Variants in AQP3 observed in about 807,000 individuals in gnomAD.
AQP3 encodes the protein aquaporin-3.
AQP3 carries 15 observed loss-of-function variants against 30.3 expected under a neutral mutation model. The ratio of observed to expected loss-of-function variants is 0.49; its 90% CI spans 0.33 to 0.76. The LOEUF (loss-of-function observed/expected upper bound fraction) is 0.76, where lower values mean the gene tolerates loss of function less well. AQP3 is among the 30% of genes least tolerant of loss of function. The probability of loss-of-function intolerance (pLI) is 0.02; values close to 1 mark genes in which losing one functional copy is unlikely to be tolerated. For synonymous variants in AQP3, 153 were observed against 163.2 expected (o/e 0.94, Z 0.47); for missense variants, 272 against 384.8 (o/e 0.71, Z 2.45).
rs1285372140 is a variant in AQP3, at chr9:33,441,758, T to TGCACACACAC, written c.*275_*284dup. The TGCACACACAC allele has an allele frequency of 4.8e-5, 27 of 560,326 alleles. No homozygotes were observed. The highest frequency in any genetic ancestry group is 7.7e-5 in the Non-Finnish European group (25 of 322,634). The allele number at this position is 560,326 out of a possible 1,614,324, so 34.7% of individuals were successfully genotyped here. On this transcript the variant is annotated 3_prime_UTR_variant, in exon 6 of 6. Coordinates refer to ENST00000297991, the MANE Select transcript of AQP3 (RefSeq NM_004925.5). ...ACACATGCACACACATGCACACACA[T>TGCACACACAC]GCACACACACACATACCTGCTGCCC...
rs1176098926 is a variant in AQP3, at chr9:33,442,061, C to T, written c.861G>A (p.Lys287=). 1 of 1,613,880 alleles carries T rather than the reference C, an allele frequency of 6.2e-7. No individual in the cohort carries two copies. The change falls in exon 6 of 6, where the codon AAG becomes AAA. Residue 287 remains lysine, a synonymous_variant. Coordinates refer to ENST00000297991, the MANE Select transcript of AQP3 (RefSeq NM_004925.5). ...TGCCCACTCAGATCTGCTCCTTGTG[C>T]TTCACATGGGCCAGCTTCACATTCT... is the stretch of plus-strand genomic sequence containing the variant. ...EEENVKLAHV[K]HKEQI
At chr9:33,444,663 C>T (rs557936323) in intron 1 of AQP3, among the ~76,000 whole-genome samples, 17 of 151,082 alleles carry the variant, frequency 1.1e-4, no homozygotes, top group African/African-American at 3.9e-4. Flanking sequence ...TGGCAATGGG[C>T]GGCATAAATA....
Position 33,443,292 on chromosome 9 carries a change from T to C in AQP3, c.373+29A>G. The C allele has an allele frequency of 6.4e-7, 1 of 1,567,238 alleles. No homozygotes were observed. The highest frequency in any genetic ancestry group is 2.4e-5 in the East Asian group (1 of 42,098). Reference sequence around the variant, plus strand: ...GTCCTGAACAGAGGGACGGGGGTAGTGGAGGAGGACAGGGTGGGGAATGCT... The same window carrying C: ...GTCCTGAACAGAGGGACGGGGGTAGCGGAGGAGGACAGGGTGGGGAATGCT... On this transcript the variant is annotated intron_variant, in intron 3 of 5. Coordinates refer to ENST00000297991, the MANE Select transcript of AQP3 (RefSeq NM_004925.5). The surrounding 1 kb of genome is among the most constrained non-coding windows in gnomAD (Gnocchi z 5.0).
rs1826873806 is a variant in AQP3, at chr9:33,443,592, ATC to A, written c.236-136_236-135del. 2.1e-6 allele frequency: 3 copies of A among 1,446,392 alleles called. No homozygotes were observed. The Admixed American group carries it at 5.9e-5, about 29-fold the overall frequency. The allele number at this position is 1,446,392 out of a possible 1,614,324, so 89.6% of individuals were successfully genotyped here. On this transcript the variant is annotated intron_variant, in intron 2 of 5. Transcript: ENST00000297991. The surrounding 1 kb of genome is among the most constrained non-coding windows in gnomAD (Gnocchi z 5.0). ...GGTCTATGTAACAGGTCAGCTGATA[ATC>A]TCTGATTCCAAGGTGAGAGTCGAAA...
chr9:33,447,396 A>G, intron 1 of AQP3, 27 bp downstream of exon 1: 1 of 1,546,710 alleles, frequency 6.5e-7, no homozygotes, highest in Non-Finnish European at 8.8e-7. Context: ...TGGAGAGAGA[A>G]GGGCTTCCCC....
At position 33,443,626 on chromosome 9, in the gene AQP3, A is replaced by T; in HGVS notation, c.235+140T>A. 2.7e-6 allele frequency: 4 copies of T among 1,489,080 alleles called. No individual in the cohort carries two copies. Among genetic ancestry groups the T allele is most frequent in the Non-Finnish European group, 3.7e-6 (4 of 1,085,942 alleles). The allele number at this position is 1,489,080 out of a possible 1,614,324, so 92.2% of individuals were successfully genotyped here. ...TCCAAGGTGAGAGTCGAAAGTTCTA[A>T]GTGTCAAGTTTCTTCTCCACCCTCC... On this transcript the variant is annotated intron_variant, in intron 2 of 5. Coordinates refer to ENST00000297991, the MANE Select transcript of AQP3 (RefSeq NM_004925.5). This position sits in a 1 kb window ranked among gnomAD's most constrained non-coding sequence, Gnocchi z 5.0.
In AQP3 at chr9:33,443,455, G is replaced by A. The variant is rs778212126; in HGVS notation, c.239C>T (p.Ala80Val). Residue 80 changes from alanine (A) to valine (V), a missense_variant, in exon 3 of 6, where the codon GCC becomes GTC. Physicochemically the swap from Ala to Val is moderately conservative, Grantham distance 64. Transcript: ENST00000297991. The surrounding 1 kb of genome is among the most constrained non-coding windows in gnomAD (Gnocchi z 5.0). ...GILIAGQVSG[A>V]HLNPAVTFAM... ...AAAGGTCACGGCAGGGTTCAGGTGG[G>A]CCCCTGGGCAGAGGGGACAAGGGAC... is the stretch of plus-strand genomic sequence containing the variant. The A allele has an allele frequency of 6.2e-7, 1 of 1,611,532 alleles. No individual in the cohort carries two copies. Among genetic ancestry groups the A allele is most frequent in the Non-Finnish European group, 8.5e-7 (1 of 1,179,068 alleles).
chr9:33,443,483 A>G lies in AQP3; in HGVS notation c.236-25T>C. ...CCTGGGCAGAGGGGACAAGGGACCT[A>G]TTAGCTGCAGCCTGCCACAGTCGGC... On this transcript the variant is annotated intron_variant, in intron 2 of 5. Transcript: ENST00000297991. This position sits in a 1 kb window ranked among gnomAD's most constrained non-coding sequence, Gnocchi z 5.0. 6.2e-7 allele frequency: 1 copy of G among 1,608,768 alleles called. No homozygotes were observed. The highest frequency in any genetic ancestry group is 8.5e-7 in the Non-Finnish European group (1 of 1,177,872).
intron 1 of AQP3, among the ~76,000 whole-genome samples, chr9:33,445,955 T>G (rs1322080619): frequency 1.3e-5 from 2 of 152,188 alleles, no homozygotes; most frequent in Non-Finnish European, 2.9e-5. Flanking sequence ...TCCCCTAAAA[T>G]TTAACACTCT....
At position 33,441,167 on chromosome 9, in the gene AQP3, C is replaced by G. The variant is rs1229899274; in HGVS notation, c.*876G>C. ...TATTTGCACAACTGGAGGTTTTAGG[C>G]ACATATTTATTTTATTTTTTTTAAT... On this transcript the variant is annotated 3_prime_UTR_variant, in exon 6 of 6. Coordinates refer to ENST00000297991, the MANE Select transcript of AQP3 (RefSeq NM_004925.5). 6.6e-6 allele frequency: 1 copy of G among 152,440 alleles called. No individual in the cohort carries two copies. The highest frequency in any genetic ancestry group is 1.5e-5 in the Non-Finnish European group (1 of 68,032). 9.4% of individuals were successfully genotyped at this position (152,440 alleles called of 1,614,324 possible). A position where few individuals can be genotyped will look rare whatever the true frequency, so the allele number is the denominator to read the frequency against.
At chr9:33,446,025 C>T (rs1271459770) in intron 1 of AQP3, among the ~76,000 whole-genome samples, 1 of 152,150 alleles carries the variant, frequency 6.6e-6, no homozygotes, top group African/African-American at 2.4e-5. Flanking sequence ...ACTAACGGCT[C>T]CTTTGTGAGA....
Position 33,443,182 on chromosome 9 carries a change from G to T in AQP3, c.373+139C>A. ...TCTTTCCCTTCGTGCCCCCTACCTT[G>T]ACCCTGTGCGTGAATGAGTGAGTCA... On this transcript the variant is annotated intron_variant, in intron 3 of 5. Transcript: ENST00000297991. The surrounding 1 kb of genome is among the most constrained non-coding windows in gnomAD (Gnocchi z 5.0). The T allele has an allele frequency of 7.5e-7, 1 of 1,340,246 alleles. No individual in the cohort carries two copies. Among genetic ancestry groups the T allele is most frequent in the Non-Finnish European group, 1.0e-6 (1 of 961,140 alleles). 83.0% of individuals were successfully genotyped at this position (1,340,246 alleles called of 1,614,324 possible).
Position 33,443,162 on chromosome 9 carries a change from C to A in AQP3, c.373+159G>T. 8.1e-7 allele frequency: 1 copy of A among 1,227,578 alleles called. No individual in the cohort carries two copies. Among genetic ancestry groups the A allele is most frequent in the African/African-American group, 1.5e-5 (1 of 66,528 alleles). The allele number at this position is 1,227,578 out of a possible 1,614,324, so 76.0% of individuals were successfully genotyped here. A position where few individuals can be genotyped will look rare whatever the true frequency, so the allele number is the denominator to read the frequency against. ...CTGTTATTGCCCAACTTGTTTCTTT[C>A]CCTTCGTGCCCCCTACCTTGACCCT... On this transcript the variant is annotated intron_variant, in intron 3 of 5. Coordinates refer to ENST00000297991, the MANE Select transcript of AQP3 (RefSeq NM_004925.5). This position sits in a 1 kb window ranked among gnomAD's most constrained non-coding sequence, Gnocchi z 5.0.
In AQP3 at chr9:33,441,640, G is replaced by C. The variant is rs1826832653; in HGVS notation, c.*403C>G. 1 of 376,042 alleles carries C rather than the reference G, an allele frequency of 2.7e-6. No homozygotes were observed. The highest frequency in any genetic ancestry group is 8.8e-5 in the South Asian group (1 of 11,414). The allele number at this position is 376,042 out of a possible 1,614,324, so 23.3% of individuals were successfully genotyped here. ...ACAGATGGACAGGCTGCCTTCCCCTGTCTCTGGGCTCCCCCAATAGCCAGA... is the reference window on the plus strand; with the variant it reads ...ACAGATGGACAGGCTGCCTTCCCCTCTCTCTGGGCTCCCCCAATAGCCAGA... On this transcript the variant is annotated 3_prime_UTR_variant, in exon 6 of 6. Coordinates refer to ENST00000297991, the MANE Select transcript of AQP3 (RefSeq NM_004925.5).
chr9:33,447,402 T>A, intron 1 of AQP3, 21 bp downstream of exon 1: 1 of 1,560,904 alleles, frequency 6.4e-7, no homozygotes, highest in Non-Finnish European at 8.7e-7. Context: ...GAGAAGGGCT[T>A]CCCCGGCTCC....
rs1826827886 is a variant in AQP3 at position 33,441,316 on chromosome 9, A to G, written c.*727T>C. ...CTGCTACATACATTAAAAACAAAAC[A>G]AAACAAAAGCAAACATGAAACTTAT... On this transcript the variant is annotated 3_prime_UTR_variant, in exon 6 of 6. Coordinates refer to ENST00000297991, the MANE Select transcript of AQP3 (RefSeq NM_004925.5). The G allele has an allele frequency of 6.5e-6, 1 of 153,286 alleles. No homozygotes were observed. The highest frequency in any genetic ancestry group is 1.5e-5 in the Non-Finnish European group (1 of 68,218). 9.5% of individuals were successfully genotyped at this position (153,286 alleles called of 1,614,324 possible).
chr9:33,445,947 C>A (rs970361080), intron 1 of AQP3, among the ~76,000 whole-genome samples: 1 of 152,170 alleles, frequency 6.6e-6, no homozygotes, highest in African/African-American at 2.4e-5. Flanking sequence ...GCAACCCTTC[C>A]CCTAAAATTT....
At position 33,441,705 on chromosome 9, in the gene AQP3, C is replaced by A. The variant is rs1563865729; in HGVS notation, c.*338G>T. The A allele has an allele frequency of 6.2e-6, 2 of 323,834 alleles. No homozygotes were observed. Among genetic ancestry groups the A allele is most frequent in the Non-Finnish European group, 5.0e-6 (1 of 199,746 alleles). 20.1% of individuals were successfully genotyped at this position (323,834 alleles called of 1,614,324 possible). A position where few individuals can be genotyped will look rare whatever the true frequency, so the allele number is the denominator to read the frequency against. On this transcript the variant is annotated 3_prime_UTR_variant, in exon 6 of 6. Transcript: ENST00000297991. Reference sequence around the variant, plus strand: ...GTCCCTTGCCCTGAATATCTGGGAACCCCCCCCACACACACACACCCCTGC... The same window carrying A: ...GTCCCTTGCCCTGAATATCTGGGAAACCCCCCCACACACACACACCCCTGC...
rs370756639 is a variant in AQP3, at chr9:33,441,947, G to T, written c.*96C>A. The T allele has an allele frequency of 6.5e-6, 10 of 1,541,670 alleles. No homozygotes were observed. Among genetic ancestry groups the T allele is most frequent in the Middle Eastern group, 3.5e-4 (2 of 5,788 alleles). ...GATAGGGAGCTCCTTAGCCTGAAAG[G>T]GTGGATCGTGAAGGGGGCTTCTTGG... On this transcript the variant is annotated 3_prime_UTR_variant, in exon 6 of 6. Transcript: ENST00000297991.
Sources: gnomAD v4.1 joint callset for allele counts (sites outside exome capture counted in the v4.1 genomes callset) on GRCh38, gnomAD v4.1.1 for gene constraint, Gnocchi (gnomAD v3.1) non-coding constraint, MANE v1.5 for transcripts, NCBI Gene and HGNC (gene_info 2026-07-23, HGNC 2026-07-21) for gene names.